The following IREB2 variants were observed in gnomAD, a reference collection of about 807,000 sequenced individuals.
The protein encoded by IREB2 is iron responsive element binding protein 2, also known as iron-responsive element-binding protein 2.
A neutral mutation model predicts 118.8 loss-of-function variants in IREB2; 39 were observed. The observed-to-expected ratio is 0.33, with a 90% CI of 0.25 to 0.43. The LOEUF (loss-of-function observed/expected upper bound fraction) is 0.43. Among genes scored for constraint, IREB2 ranks in the 20% least tolerant of loss-of-function variants. IREB2 has a pLI of 1.00. For missense variants in IREB2, 900 were observed against 1,147.3 expected (o/e 0.78, Z 3.11); for synonymous variants, 372 against 392.2 (o/e 0.95, Z 0.61).
At chr15:78,462,042 CATA>C (rs2051206080) in intron 2 of IREB2, among the ~76,000 whole-genome samples, 1 of 152,014 alleles carries the variant, frequency 6.6e-6, no homozygotes, top group Non-Finnish European at 1.5e-5. Flanking sequence ...TTATATTTCT[CATA>C]ATACACATTT....
chr15:78,466,330 C>T lies in IREB2; in HGVS notation c.470C>T (p.Ser157Phe), dbSNP rs1281947247. The T allele has an allele frequency of 3.7e-6, 6 of 1,614,040 alleles. No individual in the cohort carries two copies. Among genetic ancestry groups the T allele is most frequent in the Non-Finnish European group, 5.1e-6 (6 of 1,179,938 alleles). ...GGDLQKAGKL[S>F]PLKVQPKKLP... is the part of the protein sequence containing the mutation. ...GACCTGCAGAAAGCAGGAAAGCTCTCTCCACTTAAAGTGCAGCCTAAGAAG... is the reference window on the plus strand; with the variant it reads ...GACCTGCAGAAAGCAGGAAAGCTCTTTCCACTTAAAGTGCAGCCTAAGAAG... The change falls in exon 5 of 22, where the codon TCT (serine) becomes TTT (phenylalanine). Residue 157 changes from serine (S) to phenylalanine (F), a missense_variant. Transcript: ENST00000258886.
intron 10 of IREB2, among the ~76,000 whole-genome samples, chr15:78,481,524 T>TTG (rs2051571612): frequency 6.7e-6 from 1 of 149,666 alleles, no homozygotes; most frequent in South Asian, 2.1e-4. Flanking sequence ...CCTCGCTAAT[T>TTG]TTTTTTTTTT....
chr15:78,487,177 T>G (rs2141517258), intron 13 of IREB2, among the ~76,000 whole-genome samples: 1 of 77,330 alleles, frequency 1.3e-5, no homozygotes. Flanking sequence ...ATTACTCCTA[T>G]CAGAGTGCCC....
chr15:78,498,388 A>C lies in IREB2; in HGVS notation c.*245A>C, dbSNP rs888313363. On this transcript the variant is annotated 3_prime_UTR_variant, in exon 22 of 22. Coordinates refer to ENST00000258886, the MANE Select transcript of IREB2 (RefSeq NM_004136.4). The stretch of plus-strand genomic sequence containing the variant: ...GAAGTGTGTTGTGGAAGAGACCTGT[A>C]AGTATGGGGGGGGGGCGATATTTTA... 3 of 145,966 alleles carry C rather than the reference A, an allele frequency of 2.1e-5. No individual in the cohort carries two copies. Among genetic ancestry groups the C allele is most frequent in the East Asian group, 1.1e-4 (1 of 8,898 alleles). The allele number at this position is 145,966 out of a possible 1,614,324, so 9.0% of individuals were successfully genotyped here.
chr15:78,458,487 G>A lies in IREB2; in HGVS notation c.107-4435G>A, dbSNP rs552079123. On this transcript the variant is annotated intron_variant, in intron 2 of 21. Coordinates refer to ENST00000258886, the MANE Select transcript of IREB2 (RefSeq NM_004136.4). ...TTAAGCCTCTCATTATGTTGGCCAG[G>A]CTAGTCTCAAACTCCTCACCTCAAA... 7.2e-5 allele frequency among the ~76,000 whole-genome samples: 11 copies of A among 152,140 alleles called. 1 individual carries two copies. The East Asian group carries it at 1.9e-3, about 27-fold the overall frequency.
intron 16 of IREB2, among the ~76,000 whole-genome samples, chr15:78,490,137 G>C (rs2051724902): frequency 6.6e-6 from 1 of 152,092 alleles, no homozygotes; most frequent in Non-Finnish European, 1.5e-5. Context: ...TTTTGGCTGG[G>C]CATGGTGGCT....
intron 2 of IREB2, among the ~76,000 whole-genome samples, chr15:78,461,346 A>T (rs1022015867): frequency 5.3e-5 from 8 of 152,160 alleles, no homozygotes; most frequent in African/African-American, 1.9e-4. Context: ...TGTCCTCTGG[A>T]TATGGAGACA....
chr15:78,485,429 G>T (rs1288805470), intron 12 of IREB2, among the ~76,000 whole-genome samples: 4 of 152,094 alleles, frequency 2.6e-5, no homozygotes, highest in Non-Finnish European at 4.4e-5. Flanking sequence ...AGAAAAAATG[G>T]TTTTGTTAAC....
intron 2 of IREB2, among the ~76,000 whole-genome samples, chr15:78,452,425 T>C (rs2051041247): frequency 6.6e-6 from 1 of 152,148 alleles, no homozygotes; most frequent in Admixed American, 6.5e-5. Flanking sequence ...ACAGAAAATA[T>C]TTTGGAATTA....
intron 13 of IREB2, among the ~76,000 whole-genome samples, chr15:78,486,744 A>G (rs2051667524): frequency 6.6e-6 from 1 of 151,894 alleles, no homozygotes; most frequent in Non-Finnish European, 1.5e-5. Flanking sequence ...ATCACAGCTC[A>G]TTGCAGCCTC....
chr15:78,439,599 G>C (rs1369831613), intron 1 of IREB2, among the ~76,000 whole-genome samples, 196 bp from the exon 2 acceptor site: 1 of 152,158 alleles, frequency 6.6e-6, no homozygotes, highest in East Asian at 1.9e-4. Flanking sequence ...TAAAAATTCA[G>C]TTCCTCAGGC....
Position 78,473,455 on chromosome 15 carries a change from C to T in IREB2, c.1023+74C>T, listed in dbSNP as rs543797616. ...TAAAAATTGAAGAGCTCTATGAGAG[C>T]AGGGATTTGGGTTCATTACTGCATC... On this transcript the variant is annotated intron_variant, in intron 8 of 21. Coordinates refer to ENST00000258886, the MANE Select transcript of IREB2 (RefSeq NM_004136.4). 5.9e-4 allele frequency: 786 copies of T among 1,334,506 alleles called. 4 individuals carry two copies. Among genetic ancestry groups the T allele is most frequent in the Non-Finnish European group, 5.3e-4 (504 of 952,332 alleles). 82.7% of individuals were successfully genotyped at this position (1,334,506 alleles called of 1,614,324 possible).
chr15:78,476,108 T>C (rs1161870443), intron 8 of IREB2, 80 bp from the exon 9 acceptor site: 1 of 1,104,896 alleles, frequency 9.1e-7, no homozygotes, highest in Non-Finnish European at 1.3e-6. Context: ...GGTTAAAAAT[T>C]TTATTTTATA....
chr15:78,489,213 A>G (rs1289845904), intron 16 of IREB2, among the ~76,000 whole-genome samples: 8 of 147,606 alleles, frequency 5.4e-5, no homozygotes, highest in Non-Finnish European at 1.2e-4. Flanking sequence ...CAAGAGTGCA[A>G]CTCTGTCTCA....
At chr15:78,450,754 C>G (rs2051010098) in intron 2 of IREB2, among the ~76,000 whole-genome samples, 1 of 151,130 alleles carries the variant, frequency 6.6e-6, no homozygotes, top group South Asian at 2.1e-4. Flanking sequence ...AGGCAGGATG[C>G]CTTCAGAGTG....
At chr15:78,467,618 A>T (rs1403687509) in intron 5 of IREB2, among the ~76,000 whole-genome samples, 1 of 151,390 alleles carries the variant, frequency 6.6e-6, no homozygotes, top group African/African-American at 2.4e-5. Flanking sequence ...TTGTACCAGG[A>T]GGCAGGGATC....
chr15:78,457,182 A>G (rs2051120260), intron 2 of IREB2, among the ~76,000 whole-genome samples: 2 of 152,140 alleles, frequency 1.3e-5, no homozygotes, highest in Non-Finnish European at 2.9e-5. Context: ...GAACTCTCCA[A>G]AAGAACTAAA....
At chr15:78,483,071 G>T (rs1566988717) in intron 10 of IREB2, among the ~76,000 whole-genome samples, 1 of 152,286 alleles carries the variant, frequency 6.6e-6, no homozygotes, top group African/African-American at 2.4e-5. Context: ...AATTGGTGTT[G>T]TGGTAGTTTA....
chr15:78,484,920 G>A lies in IREB2; in HGVS notation c.1573G>A (p.Gly525Ser). 6.2e-7 allele frequency: 1 copy of A among 1,611,748 alleles called. No individual in the cohort carries two copies. The highest frequency in any genetic ancestry group is 1.7e-4 in the Middle Eastern group (1 of 5,928). ...CAATCCATCTGTCATGCTTGCTGCA[G>A]GTGGGTTGTGGTTTATGGCCATACT... is the stretch of plus-strand genomic sequence containing the variant. The part of the protein sequence containing the change: ...NCNPSVMLAA[G>S]LLAKKAVEAG... Residue 525 changes from glycine to serine, a missense_variant and splice_region_variant, in exon 12 of 22, where the codon GGT becomes AGT. Transcript: ENST00000258886.
Sources: allele counts gnomAD v4.1 joint callset (sites outside exome capture counted in the v4.1 genomes callset), GRCh38; gene constraint gnomAD v4.1.1; transcripts MANE v1.5; gene names NCBI Gene and HGNC (gene_info 2026-07-23, HGNC 2026-07-21).